CCSER1: variants seen among roughly 807,000 people sequenced by gnomAD.
The protein encoded by CCSER1 is coiled-coil serine rich protein 1.
CCSER1 carries 41 observed loss-of-function variants against 82.0 expected under a neutral mutation model. The observed-to-expected ratio is 0.50, with a 90% CI of 0.39 to 0.65. The LOEUF (loss-of-function observed/expected upper bound fraction) is 0.65, where lower values mean the gene tolerates loss of function less well. Ranked by LOEUF, CCSER1 falls within the 30% of genes least tolerant of loss-of-function variation. CCSER1 has a pLI of 0.00. For synonymous variants in CCSER1, 414 were observed against 383.9 expected (o/e 1.08, Z -0.92); for missense variants, 1,119 against 1,064.2 (o/e 1.05, Z -0.72).
chr4:91,415,789 G>A (rs758100798), intron 10 of CCSER1, among the ~76,000 whole-genome samples: 5 of 152,082 alleles, frequency 3.3e-5, no homozygotes, highest in Non-Finnish European at 7.4e-5. Context: ...GCTTTCTGAT[G>A]TGCTGCTGGA....
chr4:91,480,054 C>T (rs917412026), intron 10 of CCSER1, among the ~76,000 whole-genome samples: 3 of 147,678 alleles, frequency 2.0e-5, no homozygotes, highest in Non-Finnish European at 4.5e-5. Flanking sequence ...CATCCATGTC[C>T]CTACAAAGGA....
chr4:90,166,693 A>G (rs184062477), intron 1 of CCSER1, among the ~76,000 whole-genome samples: 195 of 152,150 alleles, frequency 1.3e-3, no homozygotes, highest in Non-Finnish European at 2.1e-3. Context: ...AAACAGATCT[A>G]AGGCAAAAAT....
chr4:91,364,244 A>G (rs1749455366), intron 10 of CCSER1, among the ~76,000 whole-genome samples: 2 of 152,070 alleles, frequency 1.3e-5, no homozygotes, highest in South Asian at 4.1e-4. Flanking sequence ...TTCAAAATGC[A>G]AAGTTACTCT....
intron 1 of CCSER1, among the ~76,000 whole-genome samples, chr4:90,222,010 C>G (rs1742241257): frequency 6.6e-6 from 1 of 152,070 alleles, no homozygotes; most frequent in South Asian, 2.1e-4. Flanking sequence ...CATGTTTTCA[C>G]TCTGTAACAG....
chr4:90,365,752 C>T (rs745556016), intron 3 of CCSER1, among the ~76,000 whole-genome samples: 1 of 151,856 alleles, frequency 6.6e-6, no homozygotes, highest in Non-Finnish European at 1.5e-5. Context: ...AAGGTGATTT[C>T]GTCTTTTAAA....
intron 10 of CCSER1, among the ~76,000 whole-genome samples, chr4:91,384,354 A>G (rs1256653304): frequency 6.6e-6 from 1 of 152,018 alleles, no homozygotes; most frequent in Non-Finnish European, 1.5e-5. Context: ...CAATATTTAA[A>G]GAAACACACT....
rs183885509 is a variant in CCSER1 at position 90,197,542 on chromosome 4, A to G, written c.-42+69711A>G. Among the ~76,000 whole-genome samples the G allele has an allele frequency of 6.6e-5, 10 of 152,298 alleles. No homozygotes were observed. In the East Asian group the frequency reaches 1.7e-3, roughly 26 times the overall value. ...TTGGAAACAACCTAACTGTCCATCA[A>G]CAGATGAATGGATAAAGGAAATGTG... On this transcript the variant is annotated intron_variant, in intron 1 of 10. Transcript: ENST00000509176.
In CCSER1 at chr4:90,217,231, C is replaced by T. The variant is rs183963134; in HGVS notation, c.-42+89400C>T. Among the ~76,000 whole-genome samples the T allele has an allele frequency of 1.7e-3, 262 of 152,158 alleles. 2 individuals are homozygous for T. Among genetic ancestry groups the T allele is most frequent in the African/African-American group, 5.9e-3 (244 of 41,526 alleles). On this transcript the variant is annotated intron_variant, in intron 1 of 10. Coordinates refer to ENST00000509176, the MANE Select transcript of CCSER1 (RefSeq NM_001145065.2). ...TTTATTTTTGAGATGGAGTCTTGCT[C>T]CATTTCCCAGGCTGGAGTGCAGTGG...
intron 10 of CCSER1, among the ~76,000 whole-genome samples, chr4:91,306,028 G>A (rs1745044150): frequency 6.7e-6 from 1 of 149,376 alleles, no homozygotes; most frequent in Admixed American, 6.7e-5. Flanking sequence ...ATTTGTTTGG[G>A]TGGGGACACA....
chr4:90,278,172 A>G (rs1463232095), intron 1 of CCSER1, among the ~76,000 whole-genome samples: 1 of 152,108 alleles, frequency 6.6e-6, no homozygotes, highest in African/African-American at 2.4e-5. Flanking sequence ...TGAAAAGTCA[A>G]AAAATGGCAG....
intron 10 of CCSER1, among the ~76,000 whole-genome samples, chr4:91,440,382 A>G (rs899552055): frequency 3.9e-5 from 6 of 152,206 alleles, no homozygotes; most frequent in Non-Finnish European, 7.3e-5. Context: ...ACGTAACGAA[A>G]TGAAGGCAGA....
At chr4:90,449,067 G>T (rs914316614) in intron 4 of CCSER1, among the ~76,000 whole-genome samples, 1 of 152,136 alleles carries the variant, frequency 6.6e-6, no homozygotes, top group African/African-American at 2.4e-5. Context: ...TCAGCTAGGA[G>T]GGAAACCACA....
At chr4:91,597,144 A>G (rs1764620889) in intron 10 of CCSER1, among the ~76,000 whole-genome samples, 1 of 152,056 alleles carries the variant, frequency 6.6e-6, no homozygotes, top group Non-Finnish European at 1.5e-5. Flanking sequence ...GAACTGGTAG[A>G]TAATCAAGCA....
intron 6 of CCSER1, among the ~76,000 whole-genome samples, chr4:90,697,918 G>A (rs989277817): frequency 1.3e-5 from 2 of 152,090 alleles, no homozygotes; most frequent in Non-Finnish European, 1.5e-5. Flanking sequence ...CATTGTAAGA[G>A]CTTCAAAGAG....
intron 6 of CCSER1, among the ~76,000 whole-genome samples, chr4:90,716,612 T>C (rs1741684402): frequency 6.6e-6 from 1 of 152,090 alleles, no homozygotes; most frequent in Non-Finnish European, 1.5e-5. Context: ...TGTTTAGATA[T>C]GGTTGGATAC....
chr4:90,638,188 C>A (rs915662601), intron 6 of CCSER1, among the ~76,000 whole-genome samples: 1 of 152,056 alleles, frequency 6.6e-6, no homozygotes, highest in South Asian at 2.1e-4. Context: ...TCTGCAGCAC[C>A]ACATTTTATC....
chr4:90,714,185 A>G (rs1741199624), intron 6 of CCSER1, among the ~76,000 whole-genome samples: 1 of 151,854 alleles, frequency 6.6e-6, no homozygotes, highest in Admixed American at 6.6e-5. Context: ...ATCTAAAAAT[A>G]TATATTTTAT....
At chr4:90,627,216 T>A (rs545543278) in intron 5 of CCSER1, among the ~76,000 whole-genome samples, 33 of 152,154 alleles carry the variant, frequency 2.2e-4, no homozygotes, top group Non-Finnish European at 4.6e-4. Flanking sequence ...CAAAAATGTG[T>A]TTACTAATTA....
rs114296815 is a variant in CCSER1 at position 91,114,792 on chromosome 4, T to G, written c.2217+28798T>G. ...TAACCTTTCTGCCAAACTCATTGGT[T>G]GTTAGTATTTTTGCTTCTGTTATTG... is the stretch of plus-strand genomic sequence containing the variant. On this transcript the variant is annotated intron_variant, in intron 10 of 10. Coordinates refer to ENST00000509176, the MANE Select transcript of CCSER1 (RefSeq NM_001145065.2). 5.4e-3 allele frequency among the ~76,000 whole-genome samples: 829 copies of G among 152,346 alleles called. 4 individuals are homozygous for G. Among genetic ancestry groups the G allele is most frequent in the African/African-American group, 0.019 (787 of 41,584 alleles).
Sources: allele counts gnomAD v4.1 joint callset (sites outside exome capture counted in the v4.1 genomes callset), GRCh38; gene constraint gnomAD v4.1.1; transcripts MANE v1.5; gene names NCBI Gene and HGNC (gene_info 2026-07-23, HGNC 2026-07-21).